MIPOL1: variants seen among roughly 807,000 people sequenced by gnomAD.
The protein encoded by MIPOL1 is mirror-image polydactyly 1.
Under a neutral mutation model 60.9 loss-of-function variants are expected in MIPOL1, and 57 were observed. The ratio of observed to expected loss-of-function variants is 0.94; its 90% CI spans 0.76 to 1.17. The LOEUF (loss-of-function observed/expected upper bound fraction) is 1.17. Ranked by LOEUF, MIPOL1 falls within the 50% of genes most tolerant of loss-of-function variation. The probability of loss-of-function intolerance (pLI) is 0.00; values close to 1 mark genes in which losing one functional copy is unlikely to be tolerated. For missense variants in MIPOL1, 551 were observed against 511.6 expected, an observed-to-expected ratio of 1.08 and a Z score of -0.74; for synonymous variants, 179 against 168.8, an observed-to-expected ratio of 1.06 and a Z score of -0.47.
chr14:37,403,432 C>T (rs1024272401), intron 10 of MIPOL1, among the ~76,000 whole-genome samples: 51 of 94,100 alleles, frequency 5.4e-4, no homozygotes, highest in East Asian at 8.1e-4. Flanking sequence ...AGGTTTCTAG[C>T]TTTTTTTTTT....
intron 1 of MIPOL1, among the ~76,000 whole-genome samples, chr14:37,238,165 A>C (rs886250640): frequency 2.6e-5 from 4 of 152,200 alleles, no homozygotes; most frequent in Non-Finnish European, 4.4e-5. Context: ...TTTTACAAGA[A>C]AGTAAATGCT....
intron 9 of MIPOL1, among the ~76,000 whole-genome samples, chr14:37,333,258 G>A (rs1031963747): frequency 6.6e-6 from 1 of 151,980 alleles, no homozygotes; most frequent in Non-Finnish European, 1.5e-5. Context: ...ATAAAATACT[G>A]CTATGCACAT....
At chr14:37,227,774 G>A (rs8019549) in intron 1 of MIPOL1, 68,399 of 151,954 alleles carry the variant, frequency 0.45, 17,877 homozygotes, top group African/African-American at 0.73. Context: ...TGCCACCATC[G>A]CAAGGTTCTC....
intron 7 of MIPOL1, among the ~76,000 whole-genome samples, chr14:37,299,734 C>G (rs758837818): frequency 3.9e-5 from 6 of 152,048 alleles, no homozygotes; most frequent in Non-Finnish European, 7.4e-5. Flanking sequence ...ACTTTTGTCA[C>G]GGGGAGAATT....
chr14:37,374,609 C>G (rs989213163), intron 10 of MIPOL1, among the ~76,000 whole-genome samples: 1 of 152,096 alleles, frequency 6.6e-6, no homozygotes, highest in African/African-American at 2.4e-5. Flanking sequence ...ATATGGCTAG[C>G]CAGTTTTCCC....
rs530406806 is a variant in MIPOL1 at position 37,487,152 on chromosome 14, T to C, written c.1032-12756T>C. Reference sequence around the variant, plus strand: ...TGGATTACATTTATTGATTTGCATATGTTGAACCATCCTTGCATCCCAGGG... The same window carrying C: ...TGGATTACATTTATTGATTTGCATACGTTGAACCATCCTTGCATCCCAGGG... On this transcript the variant is annotated intron_variant, in intron 11 of 12. Transcript: ENST00000684589. Among the ~76,000 whole-genome samples, 448 of 152,322 alleles carry C rather than the reference T, an allele frequency of 2.9e-3. 1 individual carries two copies. The highest frequency in any genetic ancestry group is 0.01 in the African/African-American group (429 of 41,568).
chr14:37,512,330 A>T (rs2095334734), intron 12 of MIPOL1, among the ~76,000 whole-genome samples: 1 of 152,188 alleles, frequency 6.6e-6, no homozygotes, highest in African/African-American at 2.4e-5. Context: ...GGGAGTCACC[A>T]TAGTGTCACA....
intron 9 of MIPOL1, among the ~76,000 whole-genome samples, chr14:37,338,299 A>G (rs2090330412): frequency 6.7e-6 from 1 of 149,226 alleles, no homozygotes; most frequent in Admixed American, 6.7e-5. Flanking sequence ...TTTAGTACAG[A>G]CCAGGTTTCA....
At chr14:37,261,837 G>A (rs897186100) in intron 3 of MIPOL1, among the ~76,000 whole-genome samples, 6 of 152,096 alleles carry the variant, frequency 3.9e-5, no homozygotes, top group Non-Finnish European at 7.4e-5. Context: ...TTTTGCTAAA[G>A]GTTGTACAGC....
chr14:37,199,221 A>G (rs1279769122), intron 1 of MIPOL1, among the ~76,000 whole-genome samples: 1 of 152,208 alleles, frequency 6.6e-6, no homozygotes, highest in Non-Finnish European at 1.5e-5. Flanking sequence ...CAGTATCTAG[A>G]TCAGGAAAGA....
intron 7 of MIPOL1, among the ~76,000 whole-genome samples, chr14:37,302,257 CTGT>C (rs2086342061): frequency 1.9e-5 from 2 of 103,506 alleles, no homozygotes; most frequent in African/African-American, 7.6e-5. Flanking sequence ...GCATTTGGAA[CTGT>C]TGTTTTTTTT....
intron 8 of MIPOL1, 121 bp from the exon 9 acceptor site, chr14:37,308,227 AT>A: frequency 8.4e-7 from 1 of 1,186,144 alleles, no homozygotes; most frequent in East Asian, 2.5e-5. Flanking sequence ...TTGCTGCAAT[AT>A]GAAAATTCAA....
intron 3 of MIPOL1, among the ~76,000 whole-genome samples, chr14:37,262,472 A>G (rs1381899130): frequency 1.3e-5 from 2 of 152,142 alleles, no homozygotes; most frequent in Non-Finnish European, 2.9e-5. Context: ...TATAGGAAGG[A>G]AAGAAGCATT....
rs1215457187 is a variant in MIPOL1 at position 37,549,424 on chromosome 14, G to A, written c.*2453G>A. 3.3e-5 allele frequency: 5 copies of A among 151,380 alleles called. No individual in the cohort carries two copies. Among genetic ancestry groups the A allele is most frequent in the African/African-American group, 1.2e-4 (5 of 41,264 alleles). 9.4% of individuals were successfully genotyped at this position (151,380 alleles called of 1,614,324 possible). ...ATATATAACCCATATAATAACGATGGTGATGATAATTTTAGTATTACTGTC... is the reference window on the plus strand; with the variant it reads ...ATATATAACCCATATAATAACGATGATGATGATAATTTTAGTATTACTGTC... On this transcript the variant is annotated 3_prime_UTR_variant, in exon 13 of 13. Transcript: ENST00000684589.
intron 10 of MIPOL1, among the ~76,000 whole-genome samples, chr14:37,392,402 T>G (rs961453986): frequency 1.3e-5 from 2 of 152,230 alleles, no homozygotes; most frequent in African/African-American, 4.8e-5. Flanking sequence ...TTTGATGGAC[T>G]GACTTACTAG....
intron 5 of MIPOL1, among the ~76,000 whole-genome samples, chr14:37,269,055 T>TA (rs543661069): frequency 2.6e-5 from 4 of 151,230 alleles, no homozygotes; most frequent in Non-Finnish European, 4.4e-5. Flanking sequence ...TACATATCTT[T>TA]AAAAAAAAAG....
chr14:37,482,170 A>G (rs2094881239), intron 11 of MIPOL1, among the ~76,000 whole-genome samples: 1 of 152,192 alleles, frequency 6.6e-6, no homozygotes, highest in East Asian at 1.9e-4. Flanking sequence ...ATACTTGGAA[A>G]CCATACATCT....
chr14:37,428,661 CT>C (rs34932209), intron 11 of MIPOL1, among the ~76,000 whole-genome samples: 30,756 of 122,088 alleles, frequency 0.25, 2,559 homozygotes, highest in South Asian at 0.37. Context: ...TTCCAAAAAT[CT>C]TTTTTTTTTT....
chr14:37,311,886 A>G (rs1473423803), intron 9 of MIPOL1, among the ~76,000 whole-genome samples: 1 of 152,134 alleles, frequency 6.6e-6, no homozygotes, highest in Non-Finnish European at 1.5e-5. Context: ...CCAGGGTAGC[A>G]TATTGCATTT....
Sources: gnomAD v4.1 joint callset for allele counts (sites outside exome capture counted in the v4.1 genomes callset) on GRCh38, gnomAD v4.1.1 for gene constraint, MANE v1.5 for transcripts, NCBI Gene and HGNC (gene_info 2026-07-23, HGNC 2026-07-21) for gene names.